CXCL13: variants seen among roughly 807,000 people sequenced by gnomAD.
CXCL13 encodes the protein C-X-C motif chemokine 13.
A neutral mutation model predicts 12.2 loss-of-function variants in CXCL13; 7 were observed. That is an observed-to-expected ratio of 0.57 (90% CI 0.33 to 1.07). The LOEUF (loss-of-function observed/expected upper bound fraction) is 1.07. Among genes scored for constraint, CXCL13 ranks in the 50% least tolerant of loss-of-function variants. CXCL13 has a pLI of 0.04. For synonymous variants in CXCL13, 47 were observed against 42.4 expected (o/e 1.11, Z -0.42); for missense variants, 113 against 127.4 (o/e 0.89, Z 0.55).
At chr4:77,515,440 C>G (rs1389131944) in intron 1 of CXCL13, among the ~76,000 whole-genome samples, 1 of 152,182 alleles carries the variant, frequency 6.6e-6, no homozygotes, top group Admixed American at 6.5e-5. Context: ...TACCCATGAG[C>G]ATGGAAGGTT....
intron 1 of CXCL13, among the ~76,000 whole-genome samples, chr4:77,577,952 G>T (rs758600658): frequency 6.6e-6 from 1 of 152,004 alleles, no homozygotes; most frequent in African/African-American, 2.4e-5. Context: ...TCACTGATAG[G>T]TAATCATGTC....
At chr4:77,549,073 C>T (rs985006138) in intron 1 of CXCL13, among the ~76,000 whole-genome samples, 39 of 152,296 alleles carry the variant, frequency 2.6e-4, no homozygotes, top group African/African-American at 8.9e-4. Flanking sequence ...CTTCTCACTT[C>T]ATTTCATACA....
At chr4:77,537,126 G>T (rs909346034) in intron 1 of CXCL13, among the ~76,000 whole-genome samples, 1 of 152,074 alleles carries the variant, frequency 6.6e-6, no homozygotes, top group Non-Finnish European at 1.5e-5. Context: ...TTTATTAAAC[G>T]GAATATTTAT....
At chr4:77,601,869 C>T (rs1578072977), upstream of CXCL13, among the ~76,000 whole-genome samples, 3 of 152,156 alleles carry the variant, frequency 2.0e-5, no homozygotes, top group South Asian at 2.1e-4. Context: ...GTGTTGGAGT[C>T]GGGATACAAA....
At chr4:77,569,214 A>G (rs1402537440) in intron 1 of CXCL13, among the ~76,000 whole-genome samples, 1 of 152,240 alleles carries the variant, frequency 6.6e-6, no homozygotes, top group African/African-American at 2.4e-5. Flanking sequence ...CAAGACAAGG[A>G]TACCTTCTCT....
intron 1 of CXCL13, among the ~76,000 whole-genome samples, chr4:77,598,037 C>A (rs1275451919): frequency 6.6e-6 from 1 of 152,204 alleles, no homozygotes; most frequent in Non-Finnish European, 1.5e-5. Context: ...GAAAAGGGAA[C>A]CATTGAGTCA....
intron 1 of CXCL13, among the ~76,000 whole-genome samples, chr4:77,544,626 T>A (rs190185850): frequency 0.014 from 2,130 of 152,220 alleles, 23 homozygotes; most frequent in South Asian, 0.058. Context: ...GTTTGAGTTC[T>A]TTGTAGATTC....
At chr4:77,596,153 C>G (rs764827765) in intron 1 of CXCL13, among the ~76,000 whole-genome samples, 7 of 152,136 alleles carry the variant, frequency 4.6e-5, no homozygotes, top group African/African-American at 1.7e-4. Flanking sequence ...CCTGTTGTCC[C>G]GGAAGGGAGC....
chr4:77,563,887 G>C (rs375706816), intron 1 of CXCL13, among the ~76,000 whole-genome samples: 1 of 152,144 alleles, frequency 6.6e-6, no homozygotes, highest in African/African-American at 2.4e-5. Flanking sequence ...ATAAAAGTGA[G>C]GGAAAACTCG....
At chr4:77,590,669 T>A (rs969739777) in intron 1 of CXCL13, among the ~76,000 whole-genome samples, 22 of 152,208 alleles carry the variant, frequency 1.4e-4, no homozygotes, top group African/African-American at 5.3e-4. Context: ...CCATGAATTA[T>A]TCGCTCTCCT....
At chr4:77,528,885 T>A (rs1372333381) in intron 1 of CXCL13, among the ~76,000 whole-genome samples, 4 of 152,228 alleles carry the variant, frequency 2.6e-5, no homozygotes, top group South Asian at 2.1e-4. Flanking sequence ...TTGCCTAGGT[T>A]TTCTTCTAGG....
intron 1 of CXCL13, among the ~76,000 whole-genome samples, chr4:77,512,092 G>A (rs987344814): frequency 1.3e-5 from 2 of 152,088 alleles, no homozygotes; most frequent in South Asian, 2.1e-4. Context: ...TTCTTTGATC[G>A]AAACTTTAAA....
At chr4:77,591,071 G>T (rs1214540815) in intron 1 of CXCL13, among the ~76,000 whole-genome samples, 1 of 152,150 alleles carries the variant, frequency 6.6e-6, no homozygotes, top group South Asian at 2.1e-4. Context: ...TAGAGACAGG[G>T]TTTTGCCACG....
chr4:77,596,677 G>T (rs750496620), intron 1 of CXCL13, among the ~76,000 whole-genome samples: 4 of 151,606 alleles, frequency 2.6e-5, no homozygotes, highest in Non-Finnish European at 4.4e-5. Context: ...CCCAGCTACT[G>T]GGGAGGTTGA....
chr4:77,605,652 G>A (rs1239949086), upstream of CXCL13, among the ~76,000 whole-genome samples: 2 of 152,166 alleles, frequency 1.3e-5, no homozygotes, highest in African/African-American at 2.4e-5. Flanking sequence ...TTTTATTATA[G>A]TGCTCTGAAA....
chr4:77,528,437 C>G (rs552232312), intron 1 of CXCL13, among the ~76,000 whole-genome samples: 1 of 152,302 alleles, frequency 6.6e-6, no homozygotes, highest in Admixed American at 6.5e-5. Context: ...TCTCCAGCAC[C>G]TGTTGTTTCC....
chr4:77,530,235 C>T (rs1346129561), intron 1 of CXCL13, among the ~76,000 whole-genome samples: 2 of 152,022 alleles, frequency 1.3e-5, no homozygotes, highest in African/African-American at 4.8e-5. Flanking sequence ...GTCTAAAATT[C>T]TCTTTTTTTG....
chr4:77,518,527 T>C (rs997251535), intron 1 of CXCL13, among the ~76,000 whole-genome samples: 2 of 152,004 alleles, frequency 1.3e-5, no homozygotes, highest in African/African-American at 2.4e-5. Flanking sequence ...CTTCCCTTCT[T>C]GCTTCATTTC....
intron 1 of CXCL13, among the ~76,000 whole-genome samples, chr4:77,568,754 G>A (rs1056678739): frequency 8.5e-5 from 13 of 152,158 alleles, no homozygotes; most frequent in Non-Finnish European, 1.3e-4. Flanking sequence ...TACTGCCCCC[G>A]AAATGCTCTG....
Sources: gnomAD v4.1 joint callset for allele counts (sites outside exome capture counted in the v4.1 genomes callset) on GRCh38, gnomAD v4.1.1 for gene constraint, MANE v1.5 for transcripts, NCBI Gene and HGNC (gene_info 2026-07-23, HGNC 2026-07-21) for gene names.